Variants in LARS1 observed in about 807,000 individuals in gnomAD.
LARS1 encodes the protein leucyl-tRNA synthetase 1.
LARS1 carries 100 observed loss-of-function variants against 162.8 expected under a neutral mutation model. The observed-to-expected ratio is 0.61, with a 90% CI of 0.52 to 0.73. The LOEUF is 0.73. Among genes scored for constraint, LARS1 ranks in the 30% least tolerant of loss-of-function variants. LARS1 has a pLI of 0.00. For synonymous variants in LARS1, 457 were observed against 462.8 expected (o/e 0.99, Z 0.16); for missense variants, 1,258 against 1,408.9 (o/e 0.89, Z 1.71).
At chr5:146,126,865 G>T (rs907717971) in intron 27 of LARS1, among the ~76,000 whole-genome samples, 2 of 151,954 alleles carry the variant, frequency 1.3e-5, no homozygotes, top group African/African-American at 2.4e-5. Context: ...CATTTTATTA[G>T]TCATATTAAA....
At chr5:146,138,807 GC>G in intron 21 of LARS1, 1 of 202,368 alleles carries the variant, frequency 4.9e-6, no homozygotes, top group Admixed American at 5.4e-5. Flanking sequence ...TTCTATTTGG[GC>G]AAGAGATGTG....
At chr5:146,171,851 G>C in intron 4 of LARS1, 59 bp downstream of exon 4, 1 of 1,195,244 alleles carries the variant, frequency 8.4e-7, no homozygotes, top group Non-Finnish European at 1.2e-6. Flanking sequence ...CTCTTGAATT[G>C]GGTATTACTA....
chr5:146,118,786 G>T (rs1751685149), intron 31 of LARS1, among the ~76,000 whole-genome samples: 1 of 152,188 alleles, frequency 6.6e-6, no homozygotes, highest in Non-Finnish European at 1.5e-5. Flanking sequence ...GATGGATGGT[G>T]GTGATGGTTT....
At chr5:146,127,184 G>A (rs1752083873) in intron 27 of LARS1, among the ~76,000 whole-genome samples, 1 of 152,008 alleles carries the variant, frequency 6.6e-6, no homozygotes, top group Admixed American at 6.6e-5. Context: ...TGTAAAAGAA[G>A]GGTTGGGAAT....
chr5:146,179,740 C>A, intron 1 of LARS1: 1 of 400,572 alleles, frequency 2.5e-6, no homozygotes, highest in Non-Finnish European at 5.0e-6. Flanking sequence ...GCTGGGACTA[C>A]AGGCATATGC....
At position 146,179,189 on chromosome 5, in the gene LARS1, G is replaced by T. The variant is rs1561502810; in HGVS notation, c.7-1524C>A. Among the ~76,000 whole-genome samples the T allele has an allele frequency of 2.0e-5, 3 of 152,078 alleles. No homozygotes were observed. The South Asian group carries it at 6.2e-4, about 31-fold the overall frequency. ...GGTGGTTGCAGTGAGCCAAGATGGA[G>T]CCACTGCACTCCAGCCTAGGCAACA... On this transcript the variant is annotated intron_variant, in intron 1 of 31. Transcript: ENST00000394434.
chr5:146,173,143 T>A (rs1202616168), intron 2 of LARS1, among the ~76,000 whole-genome samples: 1 of 151,906 alleles, frequency 6.6e-6, no homozygotes, highest in East Asian at 1.9e-4. Context: ...AGGCCAGGAG[T>A]TCGAGACCAG....
At chr5:146,173,562 TA>T (rs1754372379) in intron 2 of LARS1, among the ~76,000 whole-genome samples, 2 of 151,576 alleles carry the variant, frequency 1.3e-5, no homozygotes, top group Non-Finnish European at 2.9e-5. Context: ...TTTAATTTTT[TA>T]GTTGTTTTTG....
chr5:146,174,970 G>A (rs536039228), intron 2 of LARS1, among the ~76,000 whole-genome samples: 10 of 151,706 alleles, frequency 6.6e-5, no homozygotes, highest in East Asian at 3.9e-4. Flanking sequence ...CTATAATCCC[G>A]GCACTTTGGG....
intron 5 of LARS1, among the ~76,000 whole-genome samples, chr5:146,164,959 T>C (rs1210629657): frequency 2.0e-5 from 3 of 152,176 alleles, no homozygotes; most frequent in Admixed American, 1.3e-4. Context: ...ATTTTGAGGA[T>C]GACAGAATTG....
chr5:146,157,073 C>T (rs1389193994), intron 10 of LARS1, among the ~76,000 whole-genome samples: 1 of 152,150 alleles, frequency 6.6e-6, no homozygotes, highest in Non-Finnish European at 1.5e-5. Context: ...AACAGTCAGA[C>T]TACACAATTC....
At chr5:146,115,574 G>C in intron 31 of LARS1, among the ~76,000 whole-genome samples, 1 of 37,876 alleles carries the variant, frequency 2.6e-5, no homozygotes, top group African/African-American at 9.3e-5. Context: ...AAAAAATAGC[G>C]CCTGACCAAA....
chr5:146,161,566 T>TA (rs1211156482), intron 6 of LARS1, among the ~76,000 whole-genome samples: 2 of 151,974 alleles, frequency 1.3e-5, no homozygotes, highest in Non-Finnish European at 2.9e-5. Flanking sequence ...CCGTCTCTAC[T>TA]AAAACAAACA....
intron 14 of LARS1, among the ~76,000 whole-genome samples, chr5:146,151,210 G>A (rs1390690404): frequency 6.6e-6 from 1 of 151,942 alleles, no homozygotes; most frequent in African/African-American, 2.4e-5. Flanking sequence ...CAAAATATGT[G>A]TCACTTCAAA....
At chr5:146,169,532 A>G (rs1754164611) in intron 4 of LARS1, among the ~76,000 whole-genome samples, 1 of 151,976 alleles carries the variant, frequency 6.6e-6, no homozygotes, top group Non-Finnish European at 1.5e-5. Flanking sequence ...GTTATCCTAT[A>G]GATTACTTTT....
chr5:146,149,473 AT>A, intron 15 of LARS1, 148 bp downstream of exon 15: 1 of 662,884 alleles, frequency 1.5e-6, no homozygotes, highest in Non-Finnish European at 2.7e-6. Context: ...AGTTAAATGA[AT>A]TGCTAAATAG....
chr5:146,154,107 C>CAAT, intron 10 of LARS1, 127 bp from the exon 11 acceptor site: 1 of 649,460 alleles, frequency 1.5e-6, no homozygotes, highest in South Asian at 2.0e-5. Flanking sequence ...AATTCAAGAG[C>CAAT]TATATTGTAC....
At chr5:146,136,814 T>C (rs1303320713) in intron 21 of LARS1, among the ~76,000 whole-genome samples, 1 of 152,166 alleles carries the variant, frequency 6.6e-6, no homozygotes, top group African/African-American at 2.4e-5. Context: ...TTTTATTACC[T>C]TTCAATATTA....
At position 146,152,005 on chromosome 5, in the gene LARS1, G is replaced by A; in HGVS notation, c.1285-3C>T. ...CCTGGGATTTCAATGACTGGCACCT[G>A]CAGCAAACAGCAATCAGGAACGTGT... On this transcript the variant is annotated splice_region_variant and splice_polypyrimidine_tract_variant and intron_variant, in intron 13 of 31. Coordinates refer to ENST00000394434, the MANE Select transcript of LARS1 (RefSeq NM_020117.11). 6.2e-7 allele frequency: 1 copy of A among 1,613,602 alleles called. No individual in the cohort carries two copies. Among genetic ancestry groups the A allele is most frequent in the Non-Finnish European group, 8.5e-7 (1 of 1,179,996 alleles).
Sources: allele counts gnomAD v4.1 joint callset (sites outside exome capture counted in the v4.1 genomes callset), GRCh38; gene constraint gnomAD v4.1.1; transcripts MANE v1.5; gene names NCBI Gene and HGNC (gene_info 2026-07-23, HGNC 2026-07-21).